Variants in CTNNA3 observed in about 807,000 individuals in gnomAD.
The protein encoded by CTNNA3 is catenin alpha-3.
A neutral mutation model predicts 95.7 loss-of-function variants in CTNNA3; 76 were observed. That is an observed-to-expected ratio of 0.79 (90% CI 0.66 to 0.96). CTNNA3 has a LOEUF of 0.96. Ranked by LOEUF, CTNNA3 falls within the 40% of genes least tolerant of loss-of-function variation. CTNNA3 has a pLI of 0.00. For synonymous variants in CTNNA3, 431 were observed against 374.4 expected (o/e 1.15, Z -1.74); for missense variants, 1,191 against 1,089.8 (o/e 1.09, Z -1.31).
In CTNNA3 at chr10:67,566,039, G is replaced by T. The variant is rs1179365944; in HGVS notation, c.293-26370C>A. On this transcript the variant is annotated intron_variant, in intron 3 of 17. Transcript: ENST00000433211. ...CAAACACACACACACACATATGTGTGTGTGTATATATATATATATATATAT... is the reference window on the plus strand; with the variant it reads ...CAAACACACACACACACATATGTGTTTGTGTATATATATATATATATATAT... Among the ~76,000 whole-genome samples the T allele has an allele frequency of 1.0e-4, 2 of 19,882 alleles. 1 individual carries two copies. Among genetic ancestry groups the T allele is most frequent in the African/African-American group, 6.0e-4 (2 of 3,312 alleles). The allele number at this position is 19,882 out of a possible 152,430, so 13.0% of individuals were successfully genotyped here.
intron 5 of CTNNA3, among the ~76,000 whole-genome samples, chr10:67,461,726 A>T (rs1200771048): frequency 6.6e-6 from 1 of 152,192 alleles, no homozygotes; most frequent in East Asian, 1.9e-4. Context: ...TTCCTAGTCA[A>T]TTAACCTCCA....
intron 13 of CTNNA3, among the ~76,000 whole-genome samples, chr10:66,146,167 T>C (rs1312940118): frequency 6.6e-6 from 1 of 152,156 alleles, no homozygotes; most frequent in East Asian, 1.9e-4. Flanking sequence ...GGCTTTTTTA[T>C]ATCTCAGCTT....
intron 11 of CTNNA3, among the ~76,000 whole-genome samples, chr10:66,516,980 T>C (rs955582497): frequency 4.6e-5 from 7 of 152,016 alleles, no homozygotes. Flanking sequence ...CCCAGCACTT[T>C]GAGAGGTCAA....
chr10:66,583,240 A>G (rs1262225130), intron 10 of CTNNA3, among the ~76,000 whole-genome samples: 1 of 151,858 alleles, frequency 6.6e-6, no homozygotes, highest in Non-Finnish European at 1.5e-5. Flanking sequence ...GTCTGGTAGA[A>G]TTTGGCTGTG....
At chr10:67,696,342 G>C (rs891216187), upstream of CTNNA3, among the ~76,000 whole-genome samples, 5 of 152,180 alleles carry the variant, frequency 3.3e-5, no homozygotes. Context: ...AATAAGTTTA[G>C]ATTTGCATTT....
At chr10:65,929,571 C>CTT (rs1273919265) in intron 17 of CTNNA3, among the ~76,000 whole-genome samples, 20 of 143,192 alleles carry the variant, frequency 1.4e-4, no homozygotes, top group Admixed American at 2.1e-4. Context: ...TTCTTTCTTT[C>CTT]TTTTTTTTTT....
At chr10:67,372,644 C>A (rs538450303) in intron 5 of CTNNA3, among the ~76,000 whole-genome samples, 2 of 151,996 alleles carry the variant, frequency 1.3e-5, no homozygotes. Context: ...AGATACTCCT[C>A]GAGAAGAGCA....
At chr10:67,477,508 A>G (rs935527189) in intron 5 of CTNNA3, among the ~76,000 whole-genome samples, 2 of 152,076 alleles carry the variant, frequency 1.3e-5, no homozygotes, top group Non-Finnish European at 2.9e-5. Flanking sequence ...GCACAGCCCA[A>G]TATAAAACCT....
intron 5 of CTNNA3, among the ~76,000 whole-genome samples, chr10:67,477,109 C>T (rs922288484): frequency 3.3e-5 from 5 of 152,126 alleles, no homozygotes; most frequent in African/African-American, 1.2e-4. Context: ...GCCCTTTACA[C>T]TCCACACCCA....
Position 67,539,600 on chromosome 10 carries a change from A to T in CTNNA3, c.362T>A (p.Val121Glu), listed in dbSNP as rs1840603727. The change falls in exon 4 of 18, where the codon GTG becomes GAG. Residue 121 changes from valine to glutamate, a missense_variant. By Grantham distance (121) the Val-to-Glu change is moderately radical (BLOSUM62 -2). Transcript: ENST00000433211. ...CAGCAAGGCACGGGCAGCTTGAACCACAGCCTCCCTTTTTGGGAGAAAACA... is the reference window on the plus strand; with the variant it reads ...CAGCAAGGCACGGGCAGCTTGAACCTCAGCCTCCCTTTTTGGGAGAAAACA... Reference protein sequence around the residue: ...DPCFLPKREAVVQAARALLAA... With the variant: ...DPCFLPKREAEVQAARALLAA... 6.2e-7 allele frequency: 1 copy of T among 1,613,774 alleles called. No individual in the cohort carries two copies. Among genetic ancestry groups the T allele is most frequent in the African/African-American group, 1.3e-5 (1 of 74,904 alleles).
At chr10:66,405,050 A>G (rs1022628629) in intron 11 of CTNNA3, among the ~76,000 whole-genome samples, 1 of 152,222 alleles carries the variant, frequency 6.6e-6, no homozygotes, top group Non-Finnish European at 1.5e-5. Flanking sequence ...AGGAAGAAAT[A>G]CAGAAGAGTT....
At chr10:66,915,006 G>A (rs1344645017) in intron 7 of CTNNA3, among the ~76,000 whole-genome samples, 2 of 151,808 alleles carry the variant, frequency 1.3e-5, no homozygotes, top group Non-Finnish European at 2.9e-5. Flanking sequence ...ATAAAGAGAT[G>A]GAAAATAGGA....
At chr10:66,897,489 A>G (rs1402060746) in intron 7 of CTNNA3, among the ~76,000 whole-genome samples, 1 of 152,174 alleles carries the variant, frequency 6.6e-6, no homozygotes, top group Non-Finnish European at 1.5e-5. Context: ...AAATTTAAAA[A>G]GGGAATATAA....
At chr10:66,763,755 A>T (rs1839720053) in intron 9 of CTNNA3, among the ~76,000 whole-genome samples, 1 of 152,154 alleles carries the variant, frequency 6.6e-6, no homozygotes, top group African/African-American at 2.4e-5. Context: ...GAACCCAACC[A>T]CCATGCTGTG....
chr10:67,335,238 A>G (rs1055683957), intron 5 of CTNNA3, among the ~76,000 whole-genome samples: 2 of 152,144 alleles, frequency 1.3e-5, no homozygotes, highest in African/African-American at 4.8e-5. Flanking sequence ...GAGTGTGTGT[A>G]TGAGTGAGGC....
chr10:67,467,277 T>C (rs1302541493), intron 5 of CTNNA3, among the ~76,000 whole-genome samples: 1 of 152,238 alleles, frequency 6.6e-6, no homozygotes, highest in Non-Finnish European at 1.5e-5. Flanking sequence ...AGTTTTTGAC[T>C]ACACATTATT....
In CTNNA3 at chr10:66,829,854, T is replaced by TTTGTTG. The variant is rs59424993; in HGVS notation, c.1048-54336_1048-54331dup. ...TATTTTTAACAAGCTCCCCAGGGGA[T>TTTGTTG]TTGTTGTTGTTGTTGTTGTTGTTGT... is the stretch of plus-strand genomic sequence containing the variant. On this transcript the variant is annotated intron_variant, in intron 7 of 17. Coordinates refer to ENST00000433211, the MANE Select transcript of CTNNA3 (RefSeq NM_013266.4). Among the ~76,000 whole-genome samples the TTTGTTG allele has an allele frequency of 2.4e-3, 357 of 148,364 alleles. 3 individuals carry two copies. Among genetic ancestry groups the TTTGTTG allele is most frequent in the East Asian group, 6.7e-3 (33 of 4,900 alleles).
chr10:66,542,726 C>T (rs1313373278), intron 10 of CTNNA3, among the ~76,000 whole-genome samples: 1 of 116,670 alleles, frequency 8.6e-6, no homozygotes, highest in African/African-American at 3.4e-5. Context: ...CATCACACAT[C>T]AGGGCCTGTT....
At chr10:67,406,153 C>T (rs753824419) in intron 5 of CTNNA3, among the ~76,000 whole-genome samples, 1 of 152,178 alleles carries the variant, frequency 6.6e-6, no homozygotes, top group Non-Finnish European at 1.5e-5. Flanking sequence ...ATGCTTGCTT[C>T]CCCTTCTGCC....
Sources: gnomAD v4.1 joint callset for allele counts (sites outside exome capture counted in the v4.1 genomes callset) on GRCh38, gnomAD v4.1.1 for gene constraint, MANE v1.5 for transcripts, NCBI Gene and HGNC (gene_info 2026-07-23, HGNC 2026-07-21) for gene names.